Variants in FHIT observed in about 807,000 individuals in gnomAD.
FHIT encodes fragile histidine triad diadenosine triphosphatase, also known as bis(5'-adenosyl)-triphosphatase.
A neutral mutation model predicts 17.9 loss-of-function variants in FHIT; 19 were observed. That is an observed-to-expected ratio of 1.06 (90% confidence interval 0.74 to 1.56). The LOEUF is 1.56. Among genes scored for constraint, FHIT ranks in the 40% most tolerant of loss-of-function variants. The pLI, the probability that FHIT is intolerant of heterozygous loss-of-function variation, is 0.00. For synonymous variants in FHIT, 81 were observed against 69.7 expected (o/e 1.16, Z -0.81); for missense variants, 248 against 189.2 (o/e 1.31, Z -1.82).
chr3:60,280,093 C>A (rs1707360410), intron 5 of FHIT, among the ~76,000 whole-genome samples: 1 of 149,090 alleles, frequency 6.7e-6, no homozygotes, highest in South Asian at 2.1e-4. Flanking sequence ...ACAAACGTAA[C>A]TTAGCGTATC....
At chr3:60,323,261 T>G (rs746901453) in intron 5 of FHIT, among the ~76,000 whole-genome samples, 7 of 152,102 alleles carry the variant, frequency 4.6e-5, no homozygotes, top group Non-Finnish European at 1.0e-4. Context: ...AGTGATGATA[T>G]CTACATAACG....
At chr3:60,268,402 T>C (rs1706691559) in intron 5 of FHIT, among the ~76,000 whole-genome samples, 1 of 152,218 alleles carries the variant, frequency 6.6e-6, no homozygotes, top group South Asian at 2.1e-4. Context: ...ACCTGATGTC[T>C]TGTTTATGGC....
At chr3:60,035,989 T>C (rs1267830521) in intron 5 of FHIT, among the ~76,000 whole-genome samples, 1 of 152,222 alleles carries the variant, frequency 6.6e-6, no homozygotes, top group Non-Finnish European at 1.5e-5. Context: ...GGCACTCTGA[T>C]ATCCAGGCTA....
At chr3:60,218,514 T>C (rs1403478590) in intron 5 of FHIT, among the ~76,000 whole-genome samples, 1 of 152,162 alleles carries the variant, frequency 6.6e-6, no homozygotes, top group Non-Finnish European at 1.5e-5. Context: ...TTCTAACAAA[T>C]GTTATCTTTA....
chr3:60,654,098 C>T lies in FHIT; in HGVS notation c.-17-117119G>A, dbSNP rs1481686393. Among the ~76,000 whole-genome samples the T allele has an allele frequency of 4.8e-5, 6 of 125,696 alleles. No individual in the cohort carries two copies. The East Asian group carries it at 1.3e-3, about 26-fold the overall frequency. 82.5% of individuals were successfully genotyped at this position (125,696 alleles called of 152,430 possible). On this transcript the variant is annotated intron_variant, in intron 4 of 9. Transcript: ENST00000492590. ...TCTCTCTCCCTCTTGCTCCTGTCTT[C>T]GTCACATTATGTGCCTACTTCCCCT...
chr3:60,809,581 G>A (rs1368094864), intron 4 of FHIT, among the ~76,000 whole-genome samples: 1 of 152,100 alleles, frequency 6.6e-6, no homozygotes, highest in African/African-American at 2.4e-5. Context: ...ATATCATCTT[G>A]CTTCTTTAGC....
chr3:60,955,600 A>ATGTATATATGTATATATATATATG (rs1553778455), intron 3 of FHIT, among the ~76,000 whole-genome samples: 2 of 14,326 alleles, frequency 1.4e-4, no homozygotes, highest in South Asian at 3.2e-3. Flanking sequence ...ATATATACAT[A>ATGTATATATGTATATATATATATG]TATATATATA....
At chr3:60,334,662 C>T (rs922264049) in intron 5 of FHIT, among the ~76,000 whole-genome samples, 3 of 152,154 alleles carry the variant, frequency 2.0e-5, no homozygotes, top group Admixed American at 6.5e-5. Context: ...TTGTGTGTGC[C>T]TGTAATCCCA....
chr3:60,087,186 G>A (rs530285703), intron 5 of FHIT, among the ~76,000 whole-genome samples: 1 of 152,200 alleles, frequency 6.6e-6, no homozygotes, highest in African/African-American at 2.4e-5. Flanking sequence ...GGGATGCAGG[G>A]AGCAACATCC....
chr3:60,287,307 T>C (rs1286627142), intron 5 of FHIT, among the ~76,000 whole-genome samples: 2 of 152,146 alleles, frequency 1.3e-5, no homozygotes, highest in African/African-American at 4.8e-5. Flanking sequence ...TAGCTGGGAT[T>C]ACAGGTGTGC....
chr3:61,226,955 G>A (rs114887404), intron 1 of FHIT, among the ~76,000 whole-genome samples: 2,853 of 152,116 alleles, frequency 0.019, 81 homozygotes, highest in African/African-American at 0.065. Flanking sequence ...AGATTAACAA[G>A]CAATTGAGAT....
chr3:60,270,434 C>T (rs1360468537), intron 5 of FHIT, among the ~76,000 whole-genome samples: 1 of 152,166 alleles, frequency 6.6e-6, no homozygotes, highest in East Asian at 1.9e-4. Flanking sequence ...TTCACCAGTC[C>T]ATTTGCCTCA....
At chr3:60,067,322 TTGAATGAA>T (rs4024132) in intron 5 of FHIT, among the ~76,000 whole-genome samples, 36,712 of 151,270 alleles carry the variant, frequency 0.24, 5,076 homozygotes, top group African/African-American at 0.38. Context: ...CAAATATGTA[TTGAATGAA>T]TGAATGAATG....
chr3:60,325,811 G>A (rs971590004), intron 5 of FHIT, among the ~76,000 whole-genome samples: 19 of 152,196 alleles, frequency 1.2e-4, no homozygotes, highest in African/African-American at 2.7e-4. Context: ...GGACCAGGAA[G>A]GAGATTCGCT....
intron 8 of FHIT, among the ~76,000 whole-genome samples, chr3:59,753,489 A>G (rs1396472260): frequency 2.0e-5 from 3 of 152,120 alleles, no homozygotes; most frequent in Non-Finnish European, 4.4e-5. Flanking sequence ...TTAACCTCCT[A>G]TTATGATTCA....
At chr3:60,395,247 T>C (rs756687608) in intron 5 of FHIT, among the ~76,000 whole-genome samples, 1 of 152,130 alleles carries the variant, frequency 6.6e-6, no homozygotes, top group Non-Finnish European at 1.5e-5. Context: ...ATCATGATCA[T>C]TGTTTTTAGA....
chr3:60,404,049 C>T (rs1701760847), intron 5 of FHIT, among the ~76,000 whole-genome samples: 1 of 152,172 alleles, frequency 6.6e-6, no homozygotes, highest in African/African-American at 2.4e-5. Context: ...CACAACCAAT[C>T]AGACTGATTG....
At position 59,949,510 on chromosome 3, in the gene FHIT, T is replaced by C. The variant is rs77287273; in HGVS notation, c.280-27096A>G. Among the ~76,000 whole-genome samples the C allele has an allele frequency of 5.6e-3, 855 of 152,326 alleles. 1 individual carries two copies. Among genetic ancestry groups the C allele is most frequent in the Non-Finnish European group, 8.4e-3 (570 of 68,012 alleles). On this transcript the variant is annotated intron_variant, in intron 7 of 9. Transcript: ENST00000492590. ...CCTAAAGCAAAAGCCACGGTTACCA[T>C]GGATACGCAGGCTTGGGATAGATAT... is the stretch of plus-strand genomic sequence containing the variant.
At chr3:60,555,020 A>G (rs377209104) in intron 4 of FHIT, among the ~76,000 whole-genome samples, 9 of 152,262 alleles carry the variant, frequency 5.9e-5, no homozygotes, top group Non-Finnish European at 7.3e-5. Flanking sequence ...AGATAACTAC[A>G]TGACTGATAC....
Sources: allele counts gnomAD v4.1 joint callset (sites outside exome capture counted in the v4.1 genomes callset), GRCh38; gene constraint gnomAD v4.1.1; transcripts MANE v1.5; gene names NCBI Gene and HGNC (gene_info 2026-07-23, HGNC 2026-07-21).